KCNIP4: variants seen among roughly 807,000 people sequenced by gnomAD.
KCNIP4 encodes Kv channel-interacting protein 4.
Under a neutral mutation model 34.0 loss-of-function variants are expected in KCNIP4, and 12 were observed. That is an observed-to-expected ratio of 0.35 (90% CI 0.23 to 0.57). KCNIP4 has a LOEUF of 0.57. Among genes scored for constraint, KCNIP4 ranks in the 20% least tolerant of loss-of-function variants. The probability of loss-of-function intolerance (pLI) is 0.83; values close to 1 mark genes in which losing one functional copy is unlikely to be tolerated. For missense variants in KCNIP4, 238 were observed against 311.7 expected, an observed-to-expected ratio of 0.76 and a Z score of 1.78; for synonymous variants, 124 against 102.2, an observed-to-expected ratio of 1.21 and a Z score of -1.29.
chr4:21,504,477 AAGAAAGAAAG>A (rs1733651754), intron 1 of KCNIP4, among the ~76,000 whole-genome samples: 2 of 110,122 alleles, frequency 1.8e-5, no homozygotes, highest in Admixed American at 9.5e-5. Flanking sequence ...AAAAAAAAAA[AAGAAAGAAAG>A]AAAGAAAGAA....
chr4:20,933,020 T>C (rs1730645186), intron 1 of KCNIP4, among the ~76,000 whole-genome samples: 1 of 152,004 alleles, frequency 6.6e-6, no homozygotes, highest in Non-Finnish European at 1.5e-5. Flanking sequence ...CTGAGGTAGG[T>C]GGATCACCTG....
At chr4:21,370,905 T>G (rs1720377914) in intron 1 of KCNIP4, among the ~76,000 whole-genome samples, 1 of 85,932 alleles carries the variant, frequency 1.2e-5, no homozygotes, top group Non-Finnish European at 2.2e-5. Flanking sequence ...GTGTGTGTAT[T>G]AGCAGAACAT....
chr4:21,752,012 C>T (rs773752961), intron 1 of KCNIP4, among the ~76,000 whole-genome samples: 14 of 152,130 alleles, frequency 9.2e-5, no homozygotes, highest in Non-Finnish European at 2.1e-4. Flanking sequence ...TATAGATCAG[C>T]GCTGCCTTTT....
chr4:20,859,244 C>T (rs768735370), intron 2 of KCNIP4, among the ~76,000 whole-genome samples: 5 of 152,004 alleles, frequency 3.3e-5, no homozygotes, highest in African/African-American at 1.2e-4. Context: ...GCATTTTACC[C>T]CTGAGAAATT....
intron 1 of KCNIP4, among the ~76,000 whole-genome samples, chr4:21,123,001 G>C (rs1308236489): frequency 6.6e-6 from 1 of 152,098 alleles, no homozygotes; most frequent in African/African-American, 2.4e-5. Context: ...ACAAGGTCAG[G>C]AGATCAAGAC....
intron 1 of KCNIP4, among the ~76,000 whole-genome samples, chr4:21,375,148 T>C (rs1210649511): frequency 3.4e-5 from 5 of 147,228 alleles, no homozygotes; most frequent in Non-Finnish European, 7.3e-5. Context: ...AGCAGAAATT[T>C]CTAGAGGTGC....
At chr4:21,796,598 T>C (rs1720639964) in intron 1 of KCNIP4, among the ~76,000 whole-genome samples, 1 of 152,238 alleles carries the variant, frequency 6.6e-6, no homozygotes, top group South Asian at 2.1e-4. Context: ...CTTAAAAGCG[T>C]TCACCTAATC....
intron 1 of KCNIP4, among the ~76,000 whole-genome samples, chr4:21,010,446 C>T (rs1055770175): frequency 6.6e-6 from 1 of 152,090 alleles, no homozygotes; most frequent in African/African-American, 2.4e-5. Flanking sequence ...TTTTTTAATT[C>T]CCCAAAGAAA....
At chr4:21,664,758 C>T (rs908602142) in intron 1 of KCNIP4, among the ~76,000 whole-genome samples, 30 of 152,216 alleles carry the variant, frequency 2.0e-4, no homozygotes, top group African/African-American at 7.0e-4. Flanking sequence ...CACCATGCCA[C>T]CTATAGACTA....
At chr4:21,015,575 T>TTAATA (rs531908230) in intron 1 of KCNIP4, among the ~76,000 whole-genome samples, 1 of 116,630 alleles carries the variant, frequency 8.6e-6, no homozygotes. Context: ...GTATATTGTA[T>TTAATA]TAATATAATA....
rs1834352 is a variant in KCNIP4, at chr4:21,293,231, A to G, written c.62-410522T>C. 6.3e-3 allele frequency among the ~76,000 whole-genome samples: 967 copies of G among 152,332 alleles called. 39 individuals carry two copies. In the East Asian group the frequency reaches 0.13, roughly 21 times the overall value. ...AGCCAGCTACCTTCCATTCATCTCT[A>G]TAAGTCTTAACAACAGTGACCAATT... On this transcript the variant is annotated intron_variant, in intron 1 of 8. Transcript: ENST00000382152.
intron 1 of KCNIP4, among the ~76,000 whole-genome samples, chr4:21,059,120 A>G (rs1224893281): frequency 6.6e-6 from 1 of 152,252 alleles, no homozygotes; most frequent in East Asian, 1.9e-4. Context: ...AACTGAGCCG[A>G]TTAAACCTCT....
intron 1 of KCNIP4, among the ~76,000 whole-genome samples, chr4:21,933,207 A>G (rs1202043424): frequency 2.0e-5 from 3 of 152,058 alleles, no homozygotes; most frequent in African/African-American, 7.2e-5. Flanking sequence ...AAGATCAGAT[A>G]ATGTGATGTG....
Position 20,937,455 on chromosome 4 carries a change from C to T in KCNIP4, c.62-54746G>A, listed in dbSNP as rs183403051. Among the ~76,000 whole-genome samples the T allele has an allele frequency of 2.4e-3, 370 of 151,456 alleles. 1 individual carries two copies. The highest frequency in any genetic ancestry group is 8.7e-3 in the African/African-American group (359 of 41,282). On this transcript the variant is annotated intron_variant, in intron 1 of 8. Coordinates refer to ENST00000382152, the MANE Select transcript of KCNIP4 (RefSeq NM_025221.6). ...TTCACCATGTTAGCCAGGATGGTCT[C>T]GATCTCCTGACCTAGTGATCCACCC... is the stretch of plus-strand genomic sequence containing the variant.
chr4:21,468,799 CTG>C (rs1458198931), intron 1 of KCNIP4, among the ~76,000 whole-genome samples: 13 of 152,298 alleles, frequency 8.5e-5, no homozygotes. Context: ...AAGCAAAACC[CTG>C]TTTCGCTTTT....
intron 1 of KCNIP4, among the ~76,000 whole-genome samples, chr4:21,594,211 C>G (rs1254260104): frequency 2.0e-5 from 3 of 152,112 alleles, no homozygotes; most frequent in Non-Finnish European, 4.4e-5. Flanking sequence ...TGTTCCAACT[C>G]ATGGCATCCT....
At chr4:21,815,069 T>A (rs1721907936) in intron 1 of KCNIP4, among the ~76,000 whole-genome samples, 1 of 152,126 alleles carries the variant, frequency 6.6e-6, no homozygotes, top group African/African-American at 2.4e-5. Flanking sequence ...ATATTATGCC[T>A]GTTATTAATT....
At chr4:21,559,967 T>C (rs1229457211) in intron 1 of KCNIP4, among the ~76,000 whole-genome samples, 2 of 152,164 alleles carry the variant, frequency 1.3e-5, no homozygotes, top group African/African-American at 2.4e-5. Context: ...TTATTTCCTC[T>C]TGCTTGATTT....
chr4:21,740,052 C>T (rs1048002136), intron 1 of KCNIP4, among the ~76,000 whole-genome samples: 10 of 152,020 alleles, frequency 6.6e-5, no homozygotes, highest in Admixed American at 2.0e-4. Flanking sequence ...ACTTGAGTAA[C>T]TACAGCCAAG....
Sources: allele counts gnomAD v4.1 joint callset (sites outside exome capture counted in the v4.1 genomes callset), GRCh38; gene constraint gnomAD v4.1.1; transcripts MANE v1.5; gene names NCBI Gene and HGNC (gene_info 2026-07-23, HGNC 2026-07-21).